The following RP1 variants were observed in gnomAD, a reference collection of about 807,000 sequenced individuals.
The protein encoded by RP1 is oxygen-regulated protein 1.
RP1 carries 16 observed loss-of-function variants against 14.8 expected under a neutral mutation model. The ratio of observed to expected loss-of-function variants is 1.08; its 90% CI spans 0.73 to 1.65. The LOEUF is 1.65. Ranked by LOEUF, RP1 falls within the 40% of genes most tolerant of loss-of-function variation. RP1 has a pLI of 0.00. For synonymous variants in RP1, 876 were observed against 883.6 expected (o/e 0.99, Z 0.15); for missense variants, 2,631 against 2,535.0 (o/e 1.04, Z -0.81).
At chr8:54,656,950 A>G (rs1806766089) in intron 6 of RP1, among the ~76,000 whole-genome samples, 1 of 152,140 alleles carries the variant, frequency 6.6e-6, no homozygotes, top group Non-Finnish European at 1.5e-5. Context: ...ATCTGACATT[A>G]GGCTTAGGTC....
chr8:54,838,191 A>G (rs748525042), intron 25 of RP1, among the ~76,000 whole-genome samples: 1 of 152,174 alleles, frequency 6.6e-6, no homozygotes, highest in Admixed American at 6.5e-5. Flanking sequence ...TTTAGATGTG[A>G]CTTTCTTCTT....
chr8:54,855,478 A>G (rs140474041), intron 26 of RP1, among the ~76,000 whole-genome samples: 77 of 152,340 alleles, frequency 5.1e-4, no homozygotes, highest in African/African-American at 1.8e-3. Flanking sequence ...CAGAAAGCAT[A>G]AAGGGGAAAA....
intron 22 of RP1, among the ~76,000 whole-genome samples, chr8:54,764,876 A>AAACAAAC (rs1216986409): frequency 3.3e-5 from 5 of 152,192 alleles, no homozygotes; most frequent in Non-Finnish European, 7.3e-5. Flanking sequence ...ACAAGAAGCC[A>AAACAAAC]AAGAGTAATT....
At position 54,692,296 on chromosome 8, in the gene RP1, T is replaced by A. The variant is rs1433951675; in HGVS notation, c.1718-7171T>A. Among the ~76,000 whole-genome samples, 3 of 148,936 alleles carry A rather than the reference T, an allele frequency of 2.0e-5. No individual in the cohort carries two copies. The East Asian group carries it at 5.9e-4, about 29-fold the overall frequency. ...AAACATACATGTGCATGTGTCTTTA[T>A]AGCAGCATGATTTATAGTCCTTTGG... On this transcript the variant is annotated intron_variant, in intron 12 of 22. Coordinates refer to the RP1 transcript ENST00000636932.
At chr8:54,768,537 G>A (rs1809821182) in intron 22 of RP1, among the ~76,000 whole-genome samples, 2 of 152,214 alleles carry the variant, frequency 1.3e-5, no homozygotes, top group Admixed American at 1.3e-4. Context: ...GAAGGAATGA[G>A]AGTATGTGTA....
chr8:54,591,376 GGCTTT>G (rs1563320219), intron 1 of RP1, among the ~76,000 whole-genome samples: 1 of 151,900 alleles, frequency 6.6e-6, no homozygotes, highest in Non-Finnish European at 1.5e-5. Context: ...CTGACTCAGG[GGCTTT>G]GTACTTGCTC....
intron 20 of RP1, chr8:54,755,608 T>G: frequency 2.0e-6 from 3 of 1,535,898 alleles, no homozygotes; most frequent in Non-Finnish European, 2.6e-6. Flanking sequence ...CTCTCCCTGT[T>G]GCTTTGCCAG....
At chr8:54,758,779 C>A in intron 21 of RP1, 1 of 742,194 alleles carries the variant, frequency 1.3e-6, no homozygotes, top group Non-Finnish European at 2.1e-6. Flanking sequence ...CCATATTGCC[C>A]CTTTTGATGC....
At chr8:54,831,117 T>C (rs1233142595) in intron 24 of RP1, among the ~76,000 whole-genome samples, 1 of 152,072 alleles carries the variant, frequency 6.6e-6, no homozygotes, top group East Asian at 1.9e-4. Flanking sequence ...TGTTGGACAT[T>C]TGGTTTGTAT....
intron 1 of RP1, among the ~76,000 whole-genome samples, chr8:54,595,320 A>G (rs1312227688): frequency 2.6e-5 from 4 of 152,022 alleles, no homozygotes; most frequent in South Asian, 2.1e-4. Flanking sequence ...TAGTAGAGAC[A>G]GGGTTTCACT....
At chr8:54,581,154 C>T (rs961171116) in intron 1 of RP1, among the ~76,000 whole-genome samples, 4 of 152,004 alleles carry the variant, frequency 2.6e-5, no homozygotes, top group Non-Finnish European at 4.4e-5. Context: ...ATCCCTCCCC[C>T]CTTCCCCCAC....
intron 24 of RP1, among the ~76,000 whole-genome samples, chr8:54,810,514 C>T (rs755368537): frequency 3.3e-5 from 5 of 152,172 alleles, no homozygotes; most frequent in Non-Finnish European, 7.4e-5. Context: ...TCTCTTGAAA[C>T]TCACCATATA....
chr8:54,653,304 A>T (rs937014953), intron 5 of RP1, among the ~76,000 whole-genome samples: 2 of 152,168 alleles, frequency 1.3e-5, no homozygotes, highest in Non-Finnish European at 2.9e-5. Flanking sequence ...TTTTAAGATT[A>T]AAAAAAGGCT....
chr8:54,686,978 A>G lies in RP1; in HGVS notation c.1717+7045A>G, dbSNP rs190911454. ...TCCTAGATTATCTCCGTATTGATTTATGTAAATAATTTTACCAGGTTTTGA... is the reference window on the plus strand; with the variant it reads ...TCCTAGATTATCTCCGTATTGATTTGTGTAAATAATTTTACCAGGTTTTGA... On this transcript the variant is annotated intron_variant, in intron 12 of 22. Coordinates refer to the RP1 transcript ENST00000636932. Among the ~76,000 whole-genome samples the G allele has an allele frequency of 2.0e-5, 3 of 152,272 alleles. No individual in the cohort carries two copies. In the East Asian group the frequency reaches 5.8e-4, roughly 29 times the overall value.
intron 1 of RP1, among the ~76,000 whole-genome samples, chr8:54,570,077 T>C (rs1243876807): frequency 6.6e-6 from 1 of 152,120 alleles, no homozygotes; most frequent in Admixed American, 6.5e-5. Flanking sequence ...AATCTGGACC[T>C]GTCCACTCTG....
At chr8:54,803,273 C>T (rs2129389835) in intron 24 of RP1, among the ~76,000 whole-genome samples, 1 of 152,246 alleles carries the variant, frequency 6.6e-6, no homozygotes, top group African/African-American at 2.4e-5. Flanking sequence ...TCCTCACTGT[C>T]TCGTGGACGG....
At position 54,579,830 on chromosome 8, in the gene RP1, A is replaced by G. The variant is rs111361965; in HGVS notation, c.-13+20510A>G. Among the ~76,000 whole-genome samples the G allele has an allele frequency of 3.9e-3, 598 of 152,196 alleles. 3 individuals are homozygous for G. The highest frequency in any genetic ancestry group is 0.013 in the African/African-American group (555 of 41,510). ...TCCTTCAAGTTAAATACATGTGCCA[A>G]TCCCTTCCTCAGAATCAGCCTGCAC... is the stretch of plus-strand genomic sequence containing the variant. On this transcript the variant is annotated intron_variant, in intron 1 of 22. Transcript: ENST00000636932.
exon 15 of RP1, chr8:54,706,452 C>T (rs901997315): frequency 6.5e-7 from 1 of 1,535,780 alleles, no homozygotes; most frequent in Non-Finnish European, 8.7e-7. Context: ...GGGGGTGTTC[C>T]TCAACAGTGC....
At chr8:54,580,543 G>A (rs1032507201) in intron 1 of RP1, among the ~76,000 whole-genome samples, 1 of 151,828 alleles carries the variant, frequency 6.6e-6, no homozygotes, top group African/African-American at 2.4e-5. Context: ...TTGACCTCGT[G>A]ATCCACCCCT....
Sources: gnomAD v4.1 joint callset for allele counts (sites outside exome capture counted in the v4.1 genomes callset) on GRCh38, gnomAD v4.1.1 for gene constraint, MANE v1.5 for transcripts, NCBI Gene and HGNC (gene_info 2026-07-23, HGNC 2026-07-21) for gene names.